The following TIAM1 variants were observed in gnomAD, a reference collection of about 807,000 sequenced individuals.
The protein encoded by TIAM1 is rho guanine nucleotide exchange factor TIAM1.
TIAM1 carries 65 observed loss-of-function variants against 163.5 expected under a neutral mutation model. The observed-to-expected ratio is 0.40, with a 90% confidence interval of 0.33 to 0.49. TIAM1 has a LOEUF of 0.49. TIAM1 is among the 20% of genes least tolerant of loss of function. TIAM1 has a pLI of 0.77. For synonymous variants in TIAM1, 833 were observed against 810.1 expected (o/e 1.03, Z -0.48); for missense variants, 1,789 against 2,044.7 (o/e 0.87, Z 2.41).
chr21:31,481,009 G>A (rs552273417), intron 1 of TIAM1, among the ~76,000 whole-genome samples: 1 of 152,220 alleles, frequency 6.6e-6, no homozygotes, highest in Admixed American at 6.5e-5. Flanking sequence ...ACCACTTCAG[G>A]CTCCCAAAGT....
At chr21:31,335,571 G>T (rs2075810746) in intron 2 of TIAM1, among the ~76,000 whole-genome samples, 1 of 152,002 alleles carries the variant, frequency 6.6e-6, no homozygotes, top group African/African-American at 2.4e-5. Flanking sequence ...TGGGCATGGT[G>T]GTGCACACCT....
At chr21:31,385,856 T>C (rs2076858975) in intron 2 of TIAM1, among the ~76,000 whole-genome samples, 2 of 147,340 alleles carry the variant, frequency 1.4e-5, no homozygotes, top group South Asian at 4.2e-4. Flanking sequence ...ATATAATACA[T>C]ATTGATTATA....
At chr21:31,374,939 G>T (rs1182588768) in intron 2 of TIAM1, among the ~76,000 whole-genome samples, 1 of 152,156 alleles carries the variant, frequency 6.6e-6, no homozygotes, top group Admixed American at 6.5e-5. Context: ...ATGAAGTTTG[G>T]CATAGATTCA....
At chr21:31,476,184 G>C (rs1207477355) in intron 1 of TIAM1, among the ~76,000 whole-genome samples, 1 of 152,112 alleles carries the variant, frequency 6.6e-6, no homozygotes, top group African/African-American at 2.4e-5. Flanking sequence ...AAATGGAAAG[G>C]GCCTAAAAAT....
chr21:31,358,325 T>C (rs2076349441), intron 2 of TIAM1, among the ~76,000 whole-genome samples: 1 of 152,290 alleles, frequency 6.6e-6, no homozygotes, highest in African/African-American at 2.4e-5. Context: ...TCTTTTGCAG[T>C]TCATCTAAAT....
At chr21:31,155,973 C>T (rs2083607812) in intron 16 of TIAM1, among the ~76,000 whole-genome samples, 1 of 152,218 alleles carries the variant, frequency 6.6e-6, no homozygotes, top group Non-Finnish European at 1.5e-5. Context: ...CTCCCAAAAA[C>T]AATCGTTGGT....
chr21:31,493,825 C>A (rs2046553733), intron 1 of TIAM1, among the ~76,000 whole-genome samples: 1 of 152,162 alleles, frequency 6.6e-6, no homozygotes, highest in African/African-American at 2.4e-5. Context: ...AATGTATAAC[C>A]ACAGCTGGCA....
intron 1 of TIAM1, among the ~76,000 whole-genome samples, chr21:31,558,037 GCAA>G (rs1377194701): frequency 1.3e-5 from 2 of 152,146 alleles, no homozygotes; most frequent in African/African-American, 2.4e-5. Flanking sequence ...CTGACAGCGC[GCAA>G]CAACTTCTCC....
intron 19 of TIAM1, among the ~76,000 whole-genome samples, chr21:31,149,992 A>G (rs2083302221): frequency 6.6e-6 from 1 of 152,176 alleles, no homozygotes; most frequent in Non-Finnish European, 1.5e-5. Context: ...ACATAGACAC[A>G]CCATACATGC....
chr21:31,187,215 T>C, intron 13 of TIAM1, 128 bp from the exon 14 acceptor site: 1 of 851,630 alleles, frequency 1.2e-6, no homozygotes, highest in Non-Finnish European at 1.9e-6. Context: ...GATTGTTTTT[T>C]CTTGTTTTAC....
intron 2 of TIAM1, among the ~76,000 whole-genome samples, chr21:31,312,512 C>T (rs1287248056): frequency 1.3e-5 from 2 of 152,108 alleles, no homozygotes; most frequent in Non-Finnish European, 1.5e-5. Context: ...TCCTTGTTCA[C>T]AAAACACTTT....
intron 16 of TIAM1, among the ~76,000 whole-genome samples, chr21:31,156,359 A>C (rs187749245): frequency 9.8e-4 from 150 of 152,328 alleles, no homozygotes; most frequent in African/African-American, 2.8e-3. Flanking sequence ...TTCTGTGGAA[A>C]TGCATGTTTC....
At chr21:31,285,792 T>C (rs1024199707) in intron 2 of TIAM1, among the ~76,000 whole-genome samples, 1 of 151,934 alleles carries the variant, frequency 6.6e-6, no homozygotes, top group African/African-American at 2.4e-5. Flanking sequence ...ACCCAGGAGG[T>C]GGAGGCTGCA....
chr21:31,247,763 G>A (rs1440557570), intron 5 of TIAM1, among the ~76,000 whole-genome samples: 1 of 152,154 alleles, frequency 6.6e-6, no homozygotes, highest in African/African-American at 2.4e-5. Flanking sequence ...AGAGTAGTCT[G>A]CCCCAACTCT....
At chr21:31,318,346 C>T (rs1215290594) in intron 2 of TIAM1, among the ~76,000 whole-genome samples, 1 of 152,254 alleles carries the variant, frequency 6.6e-6, no homozygotes, top group African/African-American at 2.4e-5. Flanking sequence ...CTCAAGTGAT[C>T]TGCCTGCCTC....
Position 31,252,186 on chromosome 21 carries a change from C to T in TIAM1, c.967G>A (p.Val323Ile). The T allele has an allele frequency of 6.2e-7, 1 of 1,602,228 alleles. No individual in the cohort carries two copies. The highest frequency in any genetic ancestry group is 8.5e-7 in the Non-Finnish European group (1 of 1,178,664). ...QGRRAKTTQD[V>I]NAGEGSEFAD... ...AACTCACTGCCCTCGCCTGCATTAACATCCTTGGGAGCAGAAAGAGAGAGC... is the reference window on the plus strand; with the variant it reads ...AACTCACTGCCCTCGCCTGCATTAATATCCTTGGGAGCAGAAAGAGAGAGC... Residue 323 changes from valine (V) to isoleucine (I), a missense_variant, in exon 5 of 28, where the codon GTT becomes ATT. By Grantham distance (29) the Val-to-Ile change is conservative. Around this residue, in one of 5 missense-constraint regions of TIAM1, gnomAD observed 555 missense variants for 564.9 expected, o/e 0.98. Coordinates refer to ENST00000541036, the MANE Select transcript of TIAM1 (RefSeq NM_001353694.2).
At chr21:31,189,570 G>C (rs2085458701) in intron 13 of TIAM1, among the ~76,000 whole-genome samples, 1 of 152,124 alleles carries the variant, frequency 6.6e-6, no homozygotes, top group Non-Finnish European at 1.5e-5. Context: ...TTCCTTCTTT[G>C]AAGATCACCC....
intron 2 of TIAM1, among the ~76,000 whole-genome samples, chr21:31,317,997 T>G (rs762987345): frequency 3.9e-5 from 6 of 152,180 alleles, no homozygotes; most frequent in Non-Finnish European, 8.8e-5. Context: ...ATGAAGATAT[T>G]TTTCTTTAGG....
intron 1 of TIAM1, among the ~76,000 whole-genome samples, chr21:31,470,469 G>C (rs2045701150): frequency 6.6e-6 from 1 of 152,080 alleles, no homozygotes; most frequent in South Asian, 2.1e-4. Context: ...AAGTAGCTGA[G>C]ATTACAGGCA....
Sources: allele counts gnomAD v4.1 joint callset (sites outside exome capture counted in the v4.1 genomes callset), GRCh38; gene constraint gnomAD v4.1.1; regional missense constraint gnomAD v4.1.1; transcripts MANE v1.5; gene names NCBI Gene and HGNC (gene_info 2026-07-23, HGNC 2026-07-21).